PTPRO: variants seen among roughly 807,000 people sequenced by gnomAD.
The protein encoded by PTPRO is protein tyrosine phosphatase receptor type O.
In PTPRO, 62 loss-of-function variants were observed where a neutral mutation model predicts 145.2. The observed-to-expected ratio is 0.43, with a 90% CI of 0.35 to 0.53. The LOEUF (loss-of-function observed/expected upper bound fraction) is 0.53, where lower values mean the gene tolerates loss of function less well. Ranked by LOEUF, PTPRO falls within the 20% of genes least tolerant of loss-of-function variation. The pLI, the probability that PTPRO is intolerant of heterozygous loss-of-function variation, is 0.01. For synonymous variants in PTPRO, 565 were observed against 514.7 expected (o/e 1.10, Z -1.32); for missense variants, 1,345 against 1,482.7 (o/e 0.91, Z 1.53).
At chr12:15,574,614 C>T (rs1944138040) in intron 19 of PTPRO, among the ~76,000 whole-genome samples, 1 of 152,166 alleles carries the variant, frequency 6.6e-6, no homozygotes, top group Admixed American at 6.5e-5. Flanking sequence ...CTGGCACTTT[C>T]TTTCTCCTCA....
At chr12:15,350,548 T>C (rs901783829) in intron 1 of PTPRO, among the ~76,000 whole-genome samples, 1 of 152,228 alleles carries the variant, frequency 6.6e-6, no homozygotes, top group Non-Finnish European at 1.5e-5. Context: ...AAATCTGTCT[T>C]GAATTTGCTA....
At chr12:15,472,154 G>A (rs560464914) in intron 1 of PTPRO, among the ~76,000 whole-genome samples, 75 of 152,242 alleles carry the variant, frequency 4.9e-4, no homozygotes, top group African/African-American at 1.7e-3. Flanking sequence ...CATTTATTGG[G>A]TTGCCAGCTG....
At chr12:15,345,413 G>T (rs752769274) in intron 1 of PTPRO, among the ~76,000 whole-genome samples, 1 of 152,162 alleles carries the variant, frequency 6.6e-6, no homozygotes, top group Non-Finnish European at 1.5e-5. Context: ...ATGCACCATG[G>T]TATACTATGC....
rs190810282 is a variant in PTPRO at position 15,339,738 on chromosome 12, C to G, written c.75+16937C>G. 7.2e-5 allele frequency among the ~76,000 whole-genome samples: 11 copies of G among 152,154 alleles called. No homozygotes were observed. In the East Asian group the frequency reaches 2.1e-3, roughly 29 times the overall value. The stretch of plus-strand genomic sequence containing the variant: ...GTCAGCATACTTTCAAATTTATATC[C>G]TCTGCATGTGACTAAAAATTTGCCA... On this transcript the variant is annotated intron_variant, in intron 1 of 26. Transcript: ENST00000281171.
chr12:15,448,339 T>TGAAAAAAAA (rs1940956391), intron 1 of PTPRO, among the ~76,000 whole-genome samples: 1 of 45,020 alleles, frequency 2.2e-5, no homozygotes, highest in Non-Finnish European at 4.3e-5. Context: ...CTGTTCCTAG[T>TGAAAAAAAA]AAAAAAAAAA....
intron 1 of PTPRO, among the ~76,000 whole-genome samples, chr12:15,349,863 T>C (rs1207979059): frequency 1.3e-5 from 2 of 152,086 alleles, no homozygotes; most frequent in African/African-American, 4.8e-5. Flanking sequence ...AAGAGAGGAA[T>C]TGTAGCTTAC....
At chr12:15,404,482 T>C (rs1939594065) in intron 1 of PTPRO, among the ~76,000 whole-genome samples, 1 of 152,178 alleles carries the variant, frequency 6.6e-6, no homozygotes, top group African/African-American at 2.4e-5. Flanking sequence ...ATTTGTGTTA[T>C]TTGTATAATC....
chr12:15,471,399 T>G (rs749736543), intron 1 of PTPRO, among the ~76,000 whole-genome samples: 3 of 152,064 alleles, frequency 2.0e-5, no homozygotes, highest in Non-Finnish European at 4.4e-5. Flanking sequence ...TGCAATAGGC[T>G]CAGGCACCAA....
intron 1 of PTPRO, among the ~76,000 whole-genome samples, chr12:15,482,343 G>T (rs903453883): frequency 6.6e-6 from 1 of 152,074 alleles, no homozygotes; most frequent in Admixed American, 6.5e-5. Flanking sequence ...CTTGCAAGTT[G>T]CTCTAGCAGA....
Position 15,416,729 on chromosome 12 carries a change from T to C in PTPRO, c.76-67245T>C, listed in dbSNP as rs531712994. Among the ~76,000 whole-genome samples, 15 of 151,196 alleles carry C rather than the reference T, an allele frequency of 9.9e-5. 2 individuals carry two copies. Among genetic ancestry groups the C allele is most frequent in the African/African-American group, 3.7e-4 (15 of 40,736 alleles). ...GGTTTTGCCACTTCCTTCTTTTTTT[T>C]TTTTTTTCCCCACCAACATGCTCCT... On this transcript the variant is annotated intron_variant, in intron 1 of 26. Coordinates refer to ENST00000281171, the MANE Select transcript of PTPRO (RefSeq NM_030667.3).
chr12:15,348,649 T>C (rs894043492), intron 1 of PTPRO: 9 of 151,904 alleles, frequency 5.9e-5, no homozygotes, highest in Admixed American at 2.6e-4. Context: ...TAACCGGGCG[T>C]GGTGGCGGGC....
At chr12:15,341,992 T>C (rs1867007492) in intron 1 of PTPRO, among the ~76,000 whole-genome samples, 1 of 152,202 alleles carries the variant, frequency 6.6e-6, no homozygotes, top group Non-Finnish European at 1.5e-5. Flanking sequence ...AAATACATAT[T>C]ATCTTATTAA....
At chr12:15,452,820 C>T (rs1200452004) in intron 1 of PTPRO, among the ~76,000 whole-genome samples, 2 of 152,224 alleles carry the variant, frequency 1.3e-5, no homozygotes, top group South Asian at 4.1e-4. Flanking sequence ...TTTTCTAGCT[C>T]TAAATCTGAT....
At chr12:15,402,557 TG>T (rs1321001832) in intron 1 of PTPRO, among the ~76,000 whole-genome samples, 6 of 152,192 alleles carry the variant, frequency 3.9e-5, no homozygotes, top group Admixed American at 2.6e-4. Flanking sequence ...GCTTCCCATC[TG>T]GGGTCCATGG....
intron 12 of PTPRO, among the ~76,000 whole-genome samples, chr12:15,538,528 T>C (rs918816582): frequency 6.6e-6 from 1 of 152,194 alleles, no homozygotes; most frequent in African/African-American, 2.4e-5. Context: ...CGGCCCACTT[T>C]AGCACTTCTC....
At chr12:15,444,002 A>T (rs1940837991) in intron 1 of PTPRO, among the ~76,000 whole-genome samples, 1 of 151,890 alleles carries the variant, frequency 6.6e-6, no homozygotes, top group South Asian at 2.1e-4. Context: ...ATCAAAAAAA[A>T]AAAAAATTCT....
chr12:15,386,927 C>G (rs1255072665), intron 1 of PTPRO, among the ~76,000 whole-genome samples: 1 of 152,180 alleles, frequency 6.6e-6, no homozygotes, highest in African/African-American at 2.4e-5. Context: ...ATAGCTATGC[C>G]TTCTTTGCCA....
intron 12 of PTPRO, among the ~76,000 whole-genome samples, chr12:15,526,930 A>T (rs937218110): frequency 1.3e-5 from 2 of 152,176 alleles, no homozygotes; most frequent in Non-Finnish European, 2.9e-5. Context: ...ATAACTAAAC[A>T]AGCATAGATA....
chr12:15,333,926 A>G (rs1371589308), intron 1 of PTPRO, among the ~76,000 whole-genome samples: 1 of 152,170 alleles, frequency 6.6e-6, no homozygotes, highest in Non-Finnish European at 1.5e-5. Context: ...TTTATTCTCC[A>G]TCGTATTCAT....
Sources: allele counts gnomAD v4.1 joint callset (sites outside exome capture counted in the v4.1 genomes callset), GRCh38; gene constraint gnomAD v4.1.1; transcripts MANE v1.5; gene names NCBI Gene and HGNC (gene_info 2026-07-23, HGNC 2026-07-21).